The following ADAMTS18 variants were observed in gnomAD, a reference collection of about 807,000 sequenced individuals.
ADAMTS18 encodes ADAM metallopeptidase with thrombospondin type 1 motif 18, also known as A disintegrin and metalloproteinase with thrombospondin motifs 18.
Under a neutral mutation model 165.9 loss-of-function variants are expected in ADAMTS18, and 157 were observed. The ratio of observed to expected loss-of-function variants is 0.95; its 90% CI spans 0.83 to 1.08. The LOEUF is 1.08. ADAMTS18 is among the 50% of genes least tolerant of loss of function. The probability of loss-of-function intolerance (pLI) is 0.00; values close to 1 mark genes in which losing one functional copy is unlikely to be tolerated. For synonymous variants in ADAMTS18, 782 were observed against 578.2 expected (o/e 1.35, Z -5.06); for missense variants, 2,040 against 1,534.0 (o/e 1.33, Z -5.51).
chr16:77,398,412 C>A (rs1039173870), intron 3 of ADAMTS18, among the ~76,000 whole-genome samples: 1 of 152,030 alleles, frequency 6.6e-6, no homozygotes, highest in African/African-American at 2.4e-5. Flanking sequence ...AGTGGTATAA[C>A]AATCACACAC....
chr16:77,394,163 G>T (rs2057226686), intron 3 of ADAMTS18, among the ~76,000 whole-genome samples: 1 of 152,314 alleles, frequency 6.6e-6, no homozygotes, highest in African/African-American at 2.4e-5. Context: ...ATTTGCTGGG[G>T]TGGAAGTGGG....
intron 20 of ADAMTS18, among the ~76,000 whole-genome samples, chr16:77,292,537 C>A (rs2055383709): frequency 6.6e-6 from 1 of 152,178 alleles, no homozygotes; most frequent in African/African-American, 2.4e-5. Flanking sequence ...GACAAGGGTT[C>A]TTCCCAAAGA....
intron 16 of ADAMTS18, among the ~76,000 whole-genome samples, chr16:77,306,583 G>A (rs529998212): frequency 6.6e-6 from 1 of 151,668 alleles, no homozygotes. Flanking sequence ...TCAAGAAGTT[G>A]TCCTCATTTT....
chr16:77,293,321 A>AC (rs904842970), intron 19 of ADAMTS18, 63 bp from the exon 20 acceptor site: 2 of 1,345,698 alleles, frequency 1.5e-6, no homozygotes, highest in Admixed American at 1.7e-5. Flanking sequence ...CATTAAAAAA[A>AC]AAAACAACAC....
intron 13 of ADAMTS18, among the ~76,000 whole-genome samples, chr16:77,324,759 T>C (rs1009381326): frequency 2.2e-4 from 34 of 152,212 alleles, no homozygotes; most frequent in African/African-American, 7.7e-4. Context: ...CTAAAGCAAT[T>C]TGAAATAAAT....
At chr16:77,409,847 G>C (rs1206498144) in intron 3 of ADAMTS18, among the ~76,000 whole-genome samples, 1 of 152,054 alleles carries the variant, frequency 6.6e-6, no homozygotes, top group African/African-American at 2.4e-5. Context: ...AATGTATAGA[G>C]ACGTTTATAA....
chr16:77,317,204 C>A (rs1283222016), intron 16 of ADAMTS18, among the ~76,000 whole-genome samples: 5 of 152,130 alleles, frequency 3.3e-5, no homozygotes, highest in African/African-American at 1.2e-4. Context: ...CTGTACTGTA[C>A]CCTCCAACAC....
chr16:77,398,079 G>A (rs951823990), intron 3 of ADAMTS18, among the ~76,000 whole-genome samples: 1 of 152,168 alleles, frequency 6.6e-6, no homozygotes, highest in Non-Finnish European at 1.5e-5. Context: ...CACTTTGGGA[G>A]GCCGAGGCAG....
intron 11 of ADAMTS18, among the ~76,000 whole-genome samples, chr16:77,339,077 A>G (rs945560011): frequency 9.9e-5 from 15 of 152,178 alleles, no homozygotes; most frequent in African/African-American, 3.6e-4. Context: ...GTTGGGTTCC[A>G]GTTACAGAGA....
chr16:77,329,968 T>C (rs2056161084), intron 12 of ADAMTS18, among the ~76,000 whole-genome samples: 1 of 152,212 alleles, frequency 6.6e-6, no homozygotes, highest in Admixed American at 6.5e-5. Flanking sequence ...ATGGTGTTGC[T>C]TGGAAGAGTA....
At chr16:77,424,549 T>C (rs16945682) in intron 3 of ADAMTS18, among the ~76,000 whole-genome samples, 1,788 of 152,144 alleles carry the variant, frequency 0.012, 47 homozygotes, top group African/African-American at 0.041. Flanking sequence ...CAAACTGGCC[T>C]TAGTCACCTT....
chr16:77,396,258 A>G (rs2057255574), intron 3 of ADAMTS18, among the ~76,000 whole-genome samples: 2 of 152,218 alleles, frequency 1.3e-5, no homozygotes, highest in South Asian at 4.1e-4. Flanking sequence ...TTGCCACTTG[A>G]CTGCAAGGGA....
chr16:77,407,267 C>T (rs916491571), intron 3 of ADAMTS18, among the ~76,000 whole-genome samples: 23 of 151,928 alleles, frequency 1.5e-4, no homozygotes, highest in Non-Finnish European at 2.8e-4. Flanking sequence ...CAAACAGGCA[C>T]GAATAACAAT....
intron 10 of ADAMTS18, among the ~76,000 whole-genome samples, chr16:77,342,077 A>G (rs2056406798): frequency 6.6e-6 from 1 of 152,172 alleles, no homozygotes; most frequent in African/African-American, 2.4e-5. Flanking sequence ...GAAGTGATAG[A>G]TCTGGTTTCT....
chr16:77,302,302 C>T (rs944939817), intron 16 of ADAMTS18, among the ~76,000 whole-genome samples: 2 of 152,028 alleles, frequency 1.3e-5, no homozygotes, highest in Admixed American at 6.5e-5. Context: ...ATTTCATATT[C>T]GGTTAAAGCA....
chr16:77,376,612 G>C (rs967790907), intron 3 of ADAMTS18, among the ~76,000 whole-genome samples: 5 of 152,148 alleles, frequency 3.3e-5, no homozygotes, highest in Non-Finnish European at 5.9e-5. Flanking sequence ...CCTGCATTGT[G>C]TTTTGTCTTT....
In ADAMTS18 at chr16:77,331,112, A is replaced by C. The variant is rs143981717; in HGVS notation, c.1859+4644T>G. Among the ~76,000 whole-genome samples the C allele has an allele frequency of 2.0e-3, 301 of 152,324 alleles. 1 individual carries two copies. Among genetic ancestry groups the C allele is most frequent in the African/African-American group, 7.0e-3 (289 of 41,572 alleles). ...AATGATAAAACTGCACTGAATGAAA[A>C]TACTTTAGTGATTAATTATTCTATT... On this transcript the variant is annotated intron_variant, in intron 12 of 22. Transcript: ENST00000282849.
rs775215909 is a variant in ADAMTS18 at position 77,335,800 on chromosome 16, A to G, written c.1815T>C (p.Cys605=). ...TCTCCTGGAACTTGACTCCTCCACC[A>G]CATGTCCGGGAACATTCTGACCACT... is the stretch of plus-strand genomic sequence containing the variant. ...WSKWSECSRT[C]GGGVKFQERH... is the part of the protein sequence containing the mutation. The change falls in exon 12 of 23, where the codon TGT becomes TGC. Residue 605 remains cysteine (C), a synonymous_variant. Transcript: ENST00000282849. 1.9e-6 allele frequency: 3 copies of G among 1,614,194 alleles called. No individual in the cohort carries two copies. The highest frequency in any genetic ancestry group is 2.5e-6 in the Non-Finnish European group (3 of 1,180,032).
chr16:77,358,341 C>T (rs1300047505), intron 8 of ADAMTS18, among the ~76,000 whole-genome samples: 1 of 152,068 alleles, frequency 6.6e-6, no homozygotes, highest in Non-Finnish European at 1.5e-5. Flanking sequence ...TTTGGGAAAC[C>T]GAGGTCGGCA....
Sources: gnomAD v4.1 joint callset for allele counts (sites outside exome capture counted in the v4.1 genomes callset) on GRCh38, gnomAD v4.1.1 for gene constraint, MANE v1.5 for transcripts, NCBI Gene and HGNC (gene_info 2026-07-23, HGNC 2026-07-21) for gene names.